Variants in PDHX observed in about 807,000 individuals in gnomAD.
The protein encoded by PDHX is pyruvate dehydrogenase complex component X, also known as pyruvate dehydrogenase protein X component, mitochondrial.
In PDHX, 33 loss-of-function variants were observed where a neutral mutation model predicts 55.3. That is an observed-to-expected ratio of 0.60 (90% CI 0.45 to 0.80). The LOEUF (loss-of-function observed/expected upper bound fraction) is 0.80. PDHX is among the 30% of genes least tolerant of loss of function. PDHX has a pLI of 0.00. For missense variants in PDHX, 622 were observed against 619.9 expected (o/e 1.00, Z -0.04); for synonymous variants, 226 against 219.4 (o/e 1.03, Z -0.27).
chr11:34,964,715 T>C (rs1212585744), intron 5 of PDHX, among the ~76,000 whole-genome samples: 2 of 143,830 alleles, frequency 1.4e-5, no homozygotes, highest in Admixed American at 1.3e-4. Flanking sequence ...ACTACAGAGA[T>C]AAAACTAAAC....
In PDHX at chr11:34,995,246, A is replaced by C; in HGVS notation, c.*74A>C. 6.7e-7 allele frequency: 1 copy of C among 1,498,318 alleles called. No individual in the cohort carries two copies. The allele number at this position is 1,498,318 out of a possible 1,614,324, so 92.8% of individuals were successfully genotyped here. On this transcript the variant is annotated 3_prime_UTR_variant, in exon 11 of 11. Transcript: ENST00000227868. The stretch of plus-strand genomic sequence containing the variant: ...TTACCAAGAAACATATGTTATAGGA[A>C]AACAACTTGGTATTTAAGTATGAAG...
At chr11:34,932,185 C>T (rs1420090846) in intron 2 of PDHX, among the ~76,000 whole-genome samples, 1 of 152,056 alleles carries the variant, frequency 6.6e-6, no homozygotes, top group Non-Finnish European at 1.5e-5. Context: ...CTATGCAAGT[C>T]TTGAATTCCT....
intron 2 of PDHX, among the ~76,000 whole-genome samples, chr11:34,946,181 C>T (rs1048142982): frequency 5.3e-5 from 8 of 152,178 alleles, no homozygotes; most frequent in African/African-American, 1.9e-4. Flanking sequence ...CATACCTTCA[C>T]TATTCCCTGT....
chr11:34,925,451 G>T (rs925127268), intron 1 of PDHX, among the ~76,000 whole-genome samples: 10 of 152,060 alleles, frequency 6.6e-5, no homozygotes, highest in African/African-American at 2.4e-4. Context: ...TTCCAAAATT[G>T]TATGCTGTTA....
In PDHX at chr11:34,978,107, C is replaced by T. The variant is rs780775691; in HGVS notation, c.965-17C>T. 3.6e-6 allele frequency: 5 copies of T among 1,397,854 alleles called. No homozygotes were observed. In the African/African-American group the frequency reaches 7.0e-5, roughly 20 times the overall value. The allele number at this position is 1,397,854 out of a possible 1,614,324, so 86.6% of individuals were successfully genotyped here. Reference sequence around the variant, plus strand: ...ATATTAGGAATACTAATTTTACTAACCTTATTTTTCTTTCAGATGACATTA... The same window carrying T: ...ATATTAGGAATACTAATTTTACTAATCTTATTTTTCTTTCAGATGACATTA... On this transcript the variant is annotated splice_polypyrimidine_tract_variant and intron_variant, in intron 7 of 10. Coordinates refer to ENST00000227868, the MANE Select transcript of PDHX (RefSeq NM_003477.3).
chr11:34,992,607 A>G (rs1266805457), intron 10 of PDHX, among the ~76,000 whole-genome samples: 2 of 152,212 alleles, frequency 1.3e-5, no homozygotes, highest in Non-Finnish European at 2.9e-5. Context: ...GACATTGACT[A>G]ACATGGAATG....
intron 1 of PDHX, among the ~76,000 whole-genome samples, chr11:34,922,103 T>C (rs545798841): frequency 6.6e-6 from 1 of 152,318 alleles, no homozygotes; most frequent in African/African-American, 2.4e-5. Context: ...CATCTTCTGT[T>C]ACCACAGCAG....
chr11:34,974,723 C>A (rs1445024432), intron 7 of PDHX, among the ~76,000 whole-genome samples: 3 of 152,096 alleles, frequency 2.0e-5, no homozygotes, highest in Non-Finnish European at 2.9e-5. Flanking sequence ...GCCTGGGAAA[C>A]AGAACGAGAC....
intron 2 of PDHX, among the ~76,000 whole-genome samples, chr11:34,943,407 T>C (rs568172782): frequency 3.9e-5 from 6 of 152,304 alleles, no homozygotes; most frequent in African/African-American, 1.4e-4. Context: ...AATGATGATA[T>C]AGCATCATTT....
At chr11:34,951,005 A>G (rs4756182) in intron 3 of PDHX, among the ~76,000 whole-genome samples, 99,195 of 142,024 alleles carry the variant, frequency 0.7, 34,711 homozygotes, top group Middle Eastern at 0.78. Flanking sequence ...GTGTAAAAGT[A>G]TTCCTATTTC....
intron 1 of PDHX, among the ~76,000 whole-genome samples, chr11:34,926,659 G>A (rs540244542): frequency 1.2e-5 from 1 of 83,316 alleles, no homozygotes; most frequent in African/African-American, 4.8e-5. Flanking sequence ...TTAAGAGTTT[G>A]CTTGTATTAA....
chr11:34,957,236 A>T, intron 3 of PDHX, 148 bp from the exon 4 acceptor site: 1 of 656,648 alleles, frequency 1.5e-6, no homozygotes, highest in Non-Finnish European at 2.7e-6. Flanking sequence ...AGAAGGTGAC[A>T]GGTGGAAGGC....
At position 34,931,433 on chromosome 11, in the gene PDHX, C is replaced by CAA; in HGVS notation, c.190_191insAA (p.Leu64GlnfsTer12). On this transcript the variant is annotated frameshift_variant, in exon 2 of 11. Coordinates refer to ENST00000227868, the MANE Select transcript of PDHX (RefSeq NM_003477.3). LOFTEE classifies it high-confidence loss of function. Reference sequence around the variant, plus strand: ...TCCCATTAAGATACTAATGCCATCACTGTCTCCTACAATGGAAGAAGGAAA... The same window carrying CAA: ...TCCCATTAAGATACTAATGCCATCACAATGTCTCCTACAATGGAAGAAGGAAA... 6.2e-7 allele frequency: 1 copy of CAA among 1,606,916 alleles called. No homozygotes were observed.
At chr11:34,994,866 C>T (rs1218329213) in intron 10 of PDHX, 48 bp from the exon 11 acceptor site, 1 of 1,610,224 alleles carries the variant, frequency 6.2e-7, no homozygotes, top group Admixed American at 1.7e-5. Flanking sequence ...GGAAAGGGGA[C>T]TTTGATTAAG....
chr11:34,963,102 G>A (rs745393693), intron 5 of PDHX, among the ~76,000 whole-genome samples: 3 of 151,974 alleles, frequency 2.0e-5, no homozygotes, highest in African/African-American at 7.3e-5. Context: ...TATTATTGAG[G>A]ATTTTTGCTT....
At chr11:34,978,346 C>G (rs1855426342) in intron 8 of PDHX, among the ~76,000 whole-genome samples, 164 bp downstream of exon 8, 1 of 151,968 alleles carries the variant, frequency 6.6e-6, no homozygotes, top group African/African-American at 2.4e-5. Flanking sequence ...AATGAAGAAA[C>G]TGTAAATCAA....
chr11:34,933,851 A>T (rs1422456470), intron 2 of PDHX, among the ~76,000 whole-genome samples: 1 of 150,636 alleles, frequency 6.6e-6, no homozygotes, highest in Non-Finnish European at 1.5e-5. Context: ...CACTAAGGAT[A>T]ATAAGGATAA....
intron 6 of PDHX, among the ~76,000 whole-genome samples, chr11:34,967,573 A>G (rs1350563448): frequency 2.0e-5 from 3 of 152,206 alleles, no homozygotes; most frequent in Non-Finnish European, 4.4e-5. Flanking sequence ...TCTCAGATGC[A>G]TGCAGTATAA....
At position 34,916,724 on chromosome 11, in the gene PDHX, C is replaced by T. The variant is rs1249044356; in HGVS notation, c.69C>T (p.Arg23=). ...GTTATCTTGTGGGCTTCCCCGGCCG[C>T]CGAAGCGTAGGGCTGGTGAAGGGGG... is the stretch of plus-strand genomic sequence containing the variant. The part of the protein sequence containing the change: ...LLRYLVGFPG[R]RSVGLVKGAL... The change falls in exon 1 of 11, where the codon CGC becomes CGT. Residue 23 remains arginine (R), a synonymous_variant. Transcript: ENST00000227868. The T allele has an allele frequency of 1.9e-6, 3 of 1,613,318 alleles. No homozygotes were observed. Among genetic ancestry groups the T allele is most frequent in the Admixed American group, 1.7e-5 (1 of 59,970 alleles).
Sources: gnomAD v4.1 joint callset for allele counts (sites outside exome capture counted in the v4.1 genomes callset) on GRCh38, gnomAD v4.1.1 for gene constraint, MANE v1.5 for transcripts, NCBI Gene and HGNC (gene_info 2026-07-23, HGNC 2026-07-21) for gene names.